Variants in MALRD1 observed in about 807,000 individuals in gnomAD.
MALRD1 encodes the protein MAM and LDL-receptor class A domain-containing protein 1.
A neutral mutation model predicts 242.1 loss-of-function variants in MALRD1; 247 were observed. The ratio of observed to expected loss-of-function variants is 1.02; its 90% CI spans 0.92 to 1.13. The LOEUF is 1.13. Among genes scored for constraint, MALRD1 ranks in the 50% most tolerant of loss-of-function variants. The pLI, the probability that MALRD1 is intolerant of heterozygous loss-of-function variation, is 0.00. For synonymous variants in MALRD1, 995 were observed against 866.6 expected (o/e 1.15, Z -2.60); for missense variants, 2,989 against 2,533.1 (o/e 1.18, Z -3.86).
intron 31 of MALRD1, among the ~76,000 whole-genome samples, chr10:19,507,141 A>T (rs1247680016): frequency 1.3e-5 from 2 of 151,948 alleles, no homozygotes; most frequent in Admixed American, 6.6e-5. Flanking sequence ...TCACAAAGAG[A>T]GCACCGAGCC....
intron 5 of MALRD1, among the ~76,000 whole-genome samples, chr10:19,111,132 C>T (rs549772386): frequency 7.4e-6 from 1 of 135,538 alleles, no homozygotes; most frequent in Non-Finnish European, 1.6e-5. Context: ...GGACAAAGAC[C>T]AAGTAGATGG....
intron 18 of MALRD1, among the ~76,000 whole-genome samples, chr10:19,214,755 T>C (rs926519181): frequency 1.3e-5 from 2 of 152,144 alleles, no homozygotes. Context: ...TTGTTGAGAT[T>C]GGGAAACAAA....
At chr10:19,515,716 C>T (rs577199404) in intron 31 of MALRD1, among the ~76,000 whole-genome samples, 21 of 152,102 alleles carry the variant, frequency 1.4e-4, no homozygotes, top group Middle Eastern at 3.4e-3. Context: ...CCCGCTACAA[C>T]GCCTGGCTAA....
chr10:19,528,620 T>G (rs1834203124), intron 31 of MALRD1, among the ~76,000 whole-genome samples: 1 of 152,034 alleles, frequency 6.6e-6, no homozygotes, highest in Non-Finnish European at 1.5e-5. Context: ...AAAATAAATT[T>G]TATTGAAATT....
intron 11 of MALRD1, among the ~76,000 whole-genome samples, chr10:19,148,786 A>ATATATATATATATATATATATAT (rs1220802758): frequency 1.5e-5 from 1 of 68,192 alleles, no homozygotes; most frequent in African/African-American, 4.4e-5. Flanking sequence ...AAAAAAAAAA[A>ATATATATATATATATATATATAT]AAATATATAT....
chr10:19,346,152 T>C (rs555937475), intron 24 of MALRD1, among the ~76,000 whole-genome samples: 1 of 152,306 alleles, frequency 6.6e-6, no homozygotes, highest in South Asian at 2.1e-4. Context: ...CACCTTGAGA[T>C]AATTTTATCT....
At chr10:19,439,689 G>A (rs1317042568) in intron 28 of MALRD1, among the ~76,000 whole-genome samples, 4 of 152,050 alleles carry the variant, frequency 2.6e-5, no homozygotes, top group African/African-American at 9.7e-5. Flanking sequence ...TTATTTTAAT[G>A]TATTTAGTGT....
intron 28 of MALRD1, among the ~76,000 whole-genome samples, chr10:19,422,894 ACT>A (rs1833767911): frequency 6.6e-6 from 1 of 152,076 alleles, no homozygotes; most frequent in Non-Finnish European, 1.5e-5. Flanking sequence ...TTGGGCCTGC[ACT>A]CTGTTTCTAT....
At chr10:19,168,678 G>A (rs1269764876) in intron 13 of MALRD1, among the ~76,000 whole-genome samples, 3 of 152,132 alleles carry the variant, frequency 2.0e-5, no homozygotes, top group African/African-American at 4.8e-5. Flanking sequence ...CTAGTTTGTA[G>A]ATGGGCAGTG....
chr10:19,200,828 G>T (rs1248848255), intron 14 of MALRD1, among the ~76,000 whole-genome samples: 1 of 151,788 alleles, frequency 6.6e-6, no homozygotes, highest in East Asian at 1.9e-4. Context: ...AGCCATTTAG[G>T]TAATTTTTCT....
Position 19,607,853 on chromosome 10 carries a change from T to C in MALRD1, c.6021T>C (p.Asp2007=), listed in dbSNP as rs1259274563. Residue 2007 remains aspartate (D), a synonymous_variant, in exon 35 of 40, where the codon GAT becomes GAC. Transcript: ENST00000454679. The part of the protein sequence containing the change: ...NSCIPAHQRC[D]GFADCMDFQL... ...GTATCCCAGCCCACCAGCGCTGTGA[T>C]GGTTTTGCCGACTGCATGGATTTCC... is the stretch of plus-strand genomic sequence containing the variant. 6.5e-7 allele frequency: 1 copy of C among 1,549,828 alleles called. No individual in the cohort carries two copies. Among genetic ancestry groups the C allele is most frequent in the Admixed American group, 2.0e-5 (1 of 50,948 alleles).
chr10:19,108,387 C>CTTTTTTTTTTTTTTTTT lies in MALRD1; in HGVS notation c.694+4334_694+4350dup, dbSNP rs35948766. 1.3e-3 allele frequency among the ~76,000 whole-genome samples: 25 copies of CTTTTTTTTTTTTTTTTT among 19,764 alleles called. 12 individuals are homozygous for CTTTTTTTTTTTTTTTTT. Among genetic ancestry groups the CTTTTTTTTTTTTTTTTT allele is most frequent in the East Asian group, 2.8e-3 (2 of 726 alleles). The allele number at this position is 19,764 out of a possible 152,430, so 13.0% of individuals were successfully genotyped here. A position where few individuals can be genotyped will look rare whatever the true frequency, so the allele number is the denominator to read the frequency against. On this transcript the variant is annotated intron_variant, in intron 5 of 39. Transcript: ENST00000454679. ...TTATTGAGCTCATGAATTGTTTTTTCTTTTTTTTTTTTTTTTTTTTTTTTT... is the reference window on the plus strand; with the variant it reads ...TTATTGAGCTCATGAATTGTTTTTTCTTTTTTTTTTTTTTTTTTTTTTTTTTTTTTTTTTTTTTTTTT...
chr10:19,367,624 A>T (rs765230709), intron 26 of MALRD1, among the ~76,000 whole-genome samples: 3 of 152,122 alleles, frequency 2.0e-5, no homozygotes, highest in Non-Finnish European at 4.4e-5. Context: ...CCTCCTTCGG[A>T]TAAATGCCCA....
intron 26 of MALRD1, among the ~76,000 whole-genome samples, chr10:19,363,677 A>G (rs562758202): frequency 6.6e-6 from 1 of 152,146 alleles, no homozygotes; most frequent in Admixed American, 6.6e-5. Flanking sequence ...ATAAGAAGCA[A>G]CTGGAAGTTT....
intron 32 of MALRD1, among the ~76,000 whole-genome samples, chr10:19,537,469 TG>T (rs1834741916): frequency 6.6e-6 from 1 of 152,182 alleles, no homozygotes; most frequent in South Asian, 2.1e-4. Flanking sequence ...CTTCACATGA[TG>T]GAAAAGGCAG....
At chr10:19,609,412 A>G (rs1589302787) in intron 35 of MALRD1, among the ~76,000 whole-genome samples, 1 of 152,194 alleles carries the variant, frequency 6.6e-6, no homozygotes, top group East Asian at 1.9e-4. Flanking sequence ...TGTTTTTAAG[A>G]TATCTTTAAG....
At chr10:19,621,351 T>TAAAAAAAAAA (rs56041015) in intron 36 of MALRD1, among the ~76,000 whole-genome samples, 4 of 121,866 alleles carry the variant, frequency 3.3e-5, no homozygotes, top group Non-Finnish European at 5.0e-5. Flanking sequence ...TAAAAATATG[T>TAAAAAAAAAA]AAAAAAAAAA....
chr10:19,723,304 A>C (rs1051351082), intron 38 of MALRD1, among the ~76,000 whole-genome samples: 3 of 152,216 alleles, frequency 2.0e-5, no homozygotes, highest in African/African-American at 7.2e-5. Context: ...TTCAGACAGT[A>C]TGATTCTTCA....
intron 24 of MALRD1, among the ~76,000 whole-genome samples, chr10:19,339,257 A>T (rs1843733885): frequency 6.6e-6 from 1 of 152,052 alleles, no homozygotes; most frequent in Admixed American, 6.6e-5. Flanking sequence ...TCTATTTCTG[A>T]GGTTTAAAAT....
Sources: allele counts gnomAD v4.1 joint callset (sites outside exome capture counted in the v4.1 genomes callset), GRCh38; gene constraint gnomAD v4.1.1; transcripts MANE v1.5; gene names NCBI Gene and HGNC (gene_info 2026-07-23, HGNC 2026-07-21).